NEK10: variants seen among roughly 807,000 people sequenced by gnomAD.
NEK10 encodes NIMA related kinase 10.
NEK10 carries 122 observed loss-of-function variants against 159.8 expected under a neutral mutation model. The observed-to-expected ratio is 0.76, with a 90% CI of 0.66 to 0.89. NEK10 has a LOEUF of 0.89. NEK10 is among the 40% of genes least tolerant of loss of function. The pLI, the probability that NEK10 is intolerant of heterozygous loss-of-function variation, is 0.00. For missense variants in NEK10, 1,342 were observed against 1,323.1 expected (o/e 1.01, Z -0.22); for synonymous variants, 466 against 457.1 (o/e 1.02, Z -0.25).
At chr3:27,193,403 A>T (rs138266179) in intron 25 of NEK10, among the ~76,000 whole-genome samples, 25 of 152,222 alleles carry the variant, frequency 1.6e-4, no homozygotes, top group African/African-American at 5.1e-4. Context: ...AAAATTCTTC[A>T]ATAGTTCTCA....
At chr3:27,253,888 G>A (rs1046012524) in intron 23 of NEK10, among the ~76,000 whole-genome samples, 2 of 152,174 alleles carry the variant, frequency 1.3e-5, no homozygotes, top group African/African-American at 4.8e-5. Flanking sequence ...CACATTTCCA[G>A]TACAAGTCTA....
chr3:27,240,254 T>C (rs906038291), intron 23 of NEK10, among the ~76,000 whole-genome samples: 4 of 152,166 alleles, frequency 2.6e-5, no homozygotes, highest in Non-Finnish European at 4.4e-5. Flanking sequence ...TCCAACAGCC[T>C]TGAAATTTCT....
chr3:27,299,818 G>A (rs1194641712), intron 13 of NEK10, among the ~76,000 whole-genome samples: 1 of 152,134 alleles, frequency 6.6e-6, no homozygotes, highest in African/African-American at 2.4e-5. Flanking sequence ...ACTTGCTTGG[G>A]GCCTGTAGCC....
At chr3:27,182,517 A>C (rs57663649) in intron 26 of NEK10, among the ~76,000 whole-genome samples, 12,826 of 152,150 alleles carry the variant, frequency 0.084, 1,784 homozygotes, top group African/African-American at 0.29. Context: ...TAGTACAGCC[A>C]CTATAATGAA....
At chr3:27,361,952 G>C (rs1184947940) in intron 1 of NEK10, among the ~76,000 whole-genome samples, 1 of 152,082 alleles carries the variant, frequency 6.6e-6, no homozygotes, top group African/African-American at 2.4e-5. Flanking sequence ...TAAATATGTA[G>C]GGTAAAGCAT....
chr3:27,125,369 G>A (rs1941824319), intron 32 of NEK10, among the ~76,000 whole-genome samples: 1 of 152,056 alleles, frequency 6.6e-6, no homozygotes, highest in Non-Finnish European at 1.5e-5. Context: ...AATCAACTGA[G>A]GTAGAACTCT....
chr3:27,316,159 C>T (rs910289588), intron 6 of NEK10, among the ~76,000 whole-genome samples: 3 of 152,056 alleles, frequency 2.0e-5, no homozygotes, highest in Non-Finnish European at 4.4e-5. Context: ...CCAATGAAAA[C>T]GTGTGAGCAA....
rs540186301 is a variant in NEK10, at chr3:27,145,847, G to C, written c.2870-4265C>G. 7.4e-3 allele frequency among the ~76,000 whole-genome samples: 1,122 copies of C among 152,164 alleles called. 5 individuals are homozygous for C. Among genetic ancestry groups the C allele is most frequent in the Non-Finnish European group, 0.011 (762 of 68,002 alleles). On this transcript the variant is annotated intron_variant, in intron 30 of 35. Coordinates refer to ENST00000691995, the MANE Select transcript of NEK10 (RefSeq NM_001394966.1). ...CAAGGCAATGGCATTTGGAGGAAGT[G>C]AGCTTGGGAGGTGATTAGGTCCTAA...
chr3:27,117,016 C>T (rs1940552132), intron 33 of NEK10, among the ~76,000 whole-genome samples: 1 of 152,110 alleles, frequency 6.6e-6, no homozygotes, highest in South Asian at 2.1e-4. Context: ...TGTGTTGTTC[C>T]CCTCTCTGTG....
chr3:27,360,320 G>A (rs941849479), intron 1 of NEK10, among the ~76,000 whole-genome samples: 7 of 152,080 alleles, frequency 4.6e-5, no homozygotes, highest in South Asian at 2.1e-4. Context: ...GTAGAGCTTC[G>A]GTCACACATG....
chr3:27,335,361 A>G (rs1370520295), intron 5 of NEK10, among the ~76,000 whole-genome samples: 3 of 151,984 alleles, frequency 2.0e-5, no homozygotes, highest in East Asian at 1.9e-4. Flanking sequence ...AAAGAACCAA[A>G]TAATACTAGA....
At chr3:27,340,368 G>C (rs2047115371) in intron 5 of NEK10, among the ~76,000 whole-genome samples, 1 of 152,144 alleles carries the variant, frequency 6.6e-6, no homozygotes, top group Non-Finnish European at 1.5e-5. Context: ...GTGGTGGGTG[G>C]CAAAAGGAGG....
intron 3 of NEK10, among the ~76,000 whole-genome samples, chr3:27,349,015 A>G (rs1400689222): frequency 3.3e-5 from 5 of 152,090 alleles, no homozygotes; most frequent in Admixed American, 1.3e-4. Context: ...CACTGTATAT[A>G]TACAGTAAGC....
chr3:27,148,120 A>G (rs1575505523), intron 30 of NEK10, among the ~76,000 whole-genome samples: 1 of 152,242 alleles, frequency 6.6e-6, no homozygotes, highest in Non-Finnish European at 1.5e-5. Flanking sequence ...TTAAGAATGA[A>G]CAAGGTTCCA....
chr3:27,180,405 G>A (rs1184272342), intron 26 of NEK10, among the ~76,000 whole-genome samples: 1 of 119,898 alleles, frequency 8.3e-6, no homozygotes, highest in Non-Finnish European at 1.7e-5. Flanking sequence ...AAAAAAGAAA[G>A]ACAAGGGAAG....
chr3:27,230,947 C>T (rs1276657079), intron 23 of NEK10, among the ~76,000 whole-genome samples: 1 of 151,800 alleles, frequency 6.6e-6, no homozygotes, highest in East Asian at 1.9e-4. Flanking sequence ...TCCCAATAGA[C>T]AGATCATCAA....
Position 27,225,859 on chromosome 3 carries a change from T to G in NEK10, c.2091-23302A>C, listed in dbSNP as rs530847463. ...GGTTGTGTTTCAGCTGCAAGGAGGC[T>G]AAGATTACACATTTTTCTGTTGACT... On this transcript the variant is annotated intron_variant, in intron 23 of 35. Transcript: ENST00000691995. 3.3e-5 allele frequency among the ~76,000 whole-genome samples: 5 copies of G among 152,176 alleles called. No homozygotes were observed. In the South Asian group the frequency reaches 1.0e-3, roughly 32 times the overall value.
At chr3:27,324,505 C>T (rs2045878433) in intron 5 of NEK10, among the ~76,000 whole-genome samples, 1 of 152,128 alleles carries the variant, frequency 6.6e-6, no homozygotes, top group Admixed American at 6.5e-5. Context: ...CCTCTATTTC[C>T]CTCACATTCT....
At chr3:27,187,728 T>A (rs1459292248) in intron 26 of NEK10, among the ~76,000 whole-genome samples, 4 of 149,166 alleles carry the variant, frequency 2.7e-5, no homozygotes, top group African/African-American at 9.9e-5. Flanking sequence ...GCCACTGCAC[T>A]CCAGCCTGGG....
Sources: gnomAD v4.1 joint callset for allele counts (sites outside exome capture counted in the v4.1 genomes callset) on GRCh38, gnomAD v4.1.1 for gene constraint, MANE v1.5 for transcripts, NCBI Gene and HGNC (gene_info 2026-07-23, HGNC 2026-07-21) for gene names.